The following LPIN2 variants were observed in gnomAD, a reference collection of about 807,000 sequenced individuals.
The protein encoded by LPIN2 is lipin 2.
A neutral mutation model predicts 111.4 loss-of-function variants in LPIN2; 55 were observed. That is an observed-to-expected ratio of 0.49 (90% confidence interval 0.40 to 0.62). The LOEUF (loss-of-function observed/expected upper bound fraction) is 0.62. Among genes scored for constraint, LPIN2 ranks in the 20% least tolerant of loss-of-function variants. The pLI, the probability that LPIN2 is intolerant of heterozygous loss-of-function variation, is 0.00. For synonymous variants in LPIN2, 425 were observed against 414.0 expected (o/e 1.03, Z -0.32); for missense variants, 992 against 1,112.1 (o/e 0.89, Z 1.54).
At chr18:2,971,929 C>G (rs143395785) in intron 1 of LPIN2, among the ~76,000 whole-genome samples, 1 of 152,000 alleles carries the variant, frequency 6.6e-6, no homozygotes, top group Admixed American at 6.6e-5. Context: ...CACCTGTAAT[C>G]CCAGCTACTC....
Position 2,937,724 on chromosome 18 carries a change from G to A in LPIN2, c.1136C>T (p.Ala379Val), listed in dbSNP as rs756074840. 3.7e-6 allele frequency: 6 copies of A among 1,614,092 alleles called. No individual in the cohort carries two copies. Among genetic ancestry groups the A allele is most frequent in the East Asian group, 2.2e-5 (1 of 44,888 alleles). The change falls in exon 7 of 20, where the codon GCA (alanine) becomes GTA (valine). Residue 379 changes from alanine (A) to valine (V), a missense_variant. By Grantham distance (64) the Ala-to-Val change is moderately conservative. Coordinates refer to ENST00000677752, the MANE Select transcript of LPIN2 (RefSeq NM_001375808.2). The stretch of plus-strand genomic sequence containing the variant: ...CTTTGACGGCGAGTCTACTTTAGCT[G>A]CCGGTTTGGATTCTGAGGGCGCCTC... Reference protein sequence around the residue: ...LAEAPSESKPAAKVDSPSKKK... With the variant: ...LAEAPSESKPVAKVDSPSKKK...
Position 2,918,891 on chromosome 18 carries a change from G to C in LPIN2, c.*1402C>G, listed in dbSNP as rs61380771. On this transcript the variant is annotated 3_prime_UTR_variant, in exon 20 of 20. Transcript: ENST00000677752. ...AGTTGGCCACGAGACCACCCCGAGC[G>C]CCAAGCCTGTATCTGCAGATCCCTC... is the stretch of plus-strand genomic sequence containing the variant. The C allele has an allele frequency of 2.0e-5, 3 of 152,148 alleles. No individual in the cohort carries two copies. The highest frequency in any genetic ancestry group is 4.8e-5 in the African/African-American group (2 of 41,416). The allele number at this position is 152,148 out of a possible 1,614,324, so 9.4% of individuals were successfully genotyped here. A position where few individuals can be genotyped will look rare whatever the true frequency, so the allele number is the denominator to read the frequency against.
At chr18:2,971,267 T>G (rs2077904461) in intron 1 of LPIN2, among the ~76,000 whole-genome samples, 1 of 152,132 alleles carries the variant, frequency 6.6e-6, no homozygotes, top group Non-Finnish European at 1.5e-5. Flanking sequence ...AAGGAGGAAG[T>G]GGGATCAAAA....
intron 10 of LPIN2, 22 bp from the exon 11 acceptor site, chr18:2,928,682 CAAAACCATTACACAGTG>C: frequency 4.6e-6 from 7 of 1,526,320 alleles, no homozygotes; most frequent in South Asian, 3.3e-5. Flanking sequence ...AAAAATTGTG[CAAAACCATTACACAGTG>C]AAAGTGAGCA....
At chr18:3,000,131 AG>A (rs2078413106) in intron 1 of LPIN2, among the ~76,000 whole-genome samples, 1 of 149,832 alleles carries the variant, frequency 6.7e-6, no homozygotes, top group African/African-American at 2.5e-5. Flanking sequence ...GAGGAGGAGG[AG>A]GAGGAGGAGA....
At chr18:3,010,263 A>C (rs565650697) in intron 1 of LPIN2, among the ~76,000 whole-genome samples, 1 of 152,346 alleles carries the variant, frequency 6.6e-6, no homozygotes, top group South Asian at 2.1e-4. Context: ...GTTAATTACC[A>C]AAGCCGCTAA....
intron 9 of LPIN2, 66 bp from the exon 10 acceptor site, chr18:2,929,224 C>T (rs1409293890): frequency 1.5e-5 from 15 of 1,006,484 alleles, no homozygotes; most frequent in Middle Eastern, 2.2e-4. Context: ...GATTATAATA[C>T]TCTCTGCATT....
Position 2,940,654 on chromosome 18 carries a change from A to C in LPIN2, c.649T>G (p.Ser217Ala), listed in dbSNP as rs747722528. 1 of 1,613,586 alleles carries C rather than the reference A, an allele frequency of 6.2e-7. No individual in the cohort carries two copies. Among genetic ancestry groups the C allele is most frequent in the Non-Finnish European group, 8.5e-7 (1 of 1,179,664 alleles). The change falls in exon 5 of 20, where the codon TCT (serine) becomes GCT (alanine). Residue 217 changes from serine (S) to alanine (A), a missense_variant. Transcript: ENST00000677752. ...EECKEPLLFH[S>A]GDHYPLSDGD... ...TCAGATAAGGGGTAATGATCCCCAGAATGGAAGAGCAAAGGCTCTTTACAT... is the reference window on the plus strand; with the variant it reads ...TCAGATAAGGGGTAATGATCCCCAGCATGGAAGAGCAAAGGCTCTTTACAT...
intron 1 of LPIN2, among the ~76,000 whole-genome samples, chr18:2,987,670 A>C (rs1461342379): frequency 6.6e-6 from 1 of 152,192 alleles, no homozygotes; most frequent in African/African-American, 2.4e-5. Flanking sequence ...TCAATTACTT[A>C]AAAATTTTTT....
intron 4 of LPIN2, chr18:2,945,556 G>C (rs2077437796): frequency 2.7e-6 from 4 of 1,461,254 alleles, no homozygotes; most frequent in Non-Finnish European, 2.9e-6. Flanking sequence ...TCAATCTGCT[G>C]TGTCGTCTTT....
At chr18:2,923,904 C>A (rs995184816) in intron 15 of LPIN2, 43 bp from the exon 16 acceptor site, 21 of 1,504,926 alleles carry the variant, frequency 1.4e-5, no homozygotes, top group Non-Finnish European at 1.9e-5. Flanking sequence ...AGGAATCAAA[C>A]ACATACAGCG....
At position 2,925,150 on chromosome 18, in the gene LPIN2, G is replaced by T; in HGVS notation, c.1938+74C>A. ...GTATGCAGCTGGGGACGTGTGGACA[G>T]AAGAGGATGTGCATCAAATTAAACC... On this transcript the variant is annotated intron_variant, in intron 14 of 19. Coordinates refer to ENST00000677752, the MANE Select transcript of LPIN2 (RefSeq NM_001375808.2). This position sits in a 1 kb window ranked among gnomAD's most constrained non-coding sequence, Gnocchi z 4.1. 6.4e-7 allele frequency: 1 copy of T among 1,570,330 alleles called. No homozygotes were observed. The highest frequency in any genetic ancestry group is 8.8e-7 in the Non-Finnish European group (1 of 1,142,302).
intron 2 of LPIN2, among the ~76,000 whole-genome samples, chr18:2,956,105 T>G (rs1433544633): frequency 6.6e-6 from 1 of 152,214 alleles, no homozygotes; most frequent in Non-Finnish European, 1.5e-5. Flanking sequence ...GTTAATACAT[T>G]CACAGAGATT....
At chr18:2,988,760 T>C (rs1032074820) in intron 1 of LPIN2, among the ~76,000 whole-genome samples, 2 of 152,174 alleles carry the variant, frequency 1.3e-5, no homozygotes, top group Admixed American at 1.3e-4. Flanking sequence ...CATCTGAAAG[T>C]TGCAACATGA....
rs187851783 is a variant in LPIN2 at position 2,980,801 on chromosome 18, C to T, written c.-9-19952G>A. Among the ~76,000 whole-genome samples, 61 of 150,256 alleles carry T rather than the reference C, an allele frequency of 4.1e-4. 1 individual carries two copies. In the Middle Eastern group the frequency reaches 0.014, roughly 34 times the overall value. On this transcript the variant is annotated intron_variant, in intron 1 of 19. Transcript: ENST00000677752. ...AGAATGGTCAGGTGACCTCTAGAGT[C>T]CCCCCCCAGCTCTAAACTGCAGAAA...
intron 1 of LPIN2, among the ~76,000 whole-genome samples, chr18:3,000,412 G>A (rs146845134): frequency 0.011 from 1,682 of 152,302 alleles, 10 homozygotes; most frequent in Non-Finnish European, 0.016. Context: ...CAGCTCAAAG[G>A]ATAAAGAAAC....
At chr18:2,975,677 G>GT (rs1481452218) in intron 1 of LPIN2, among the ~76,000 whole-genome samples, 1 of 152,146 alleles carries the variant, frequency 6.6e-6, no homozygotes, top group Non-Finnish European at 1.5e-5. Context: ...ATAAAAGTGT[G>GT]TTTTAAGGGG....
At position 2,920,385 on chromosome 18, in the gene LPIN2, C is replaced by A; in HGVS notation, c.2599G>T (p.Glu867Ter). The A allele has an allele frequency of 1.2e-6, 2 of 1,614,058 alleles. No homozygotes were observed. Among genetic ancestry groups the A allele is most frequent in the Non-Finnish European group, 1.7e-6 (2 of 1,180,048 alleles). The change falls in exon 20 of 20, where the codon GAG (glutamate) becomes TAG (stop). Residue 867 changes from glutamate (E) to a stop codon, truncating the protein, a stop_gained. Coordinates refer to ENST00000677752, the MANE Select transcript of LPIN2 (RefSeq NM_001375808.2). LOFTEE classifies it high-confidence loss of function. ...VEHVFPLLSK[E>*]QNSAFPCPEF... ...GGGCAGGGAAAAGCGGAATTCTGCT[C>A]CTTACTGAGAAGGGGGAACACATGC...
intron 7 of LPIN2, 83 bp from the exon 8 acceptor site, chr18:2,934,533 T>TG: frequency 2.3e-6 from 2 of 867,416 alleles, no homozygotes; most frequent in Non-Finnish European, 3.9e-6. Flanking sequence ...TTGCAAACAG[T>TG]AAGAGTGACA....
Sources: allele counts gnomAD v4.1 joint callset (sites outside exome capture counted in the v4.1 genomes callset), GRCh38; gene constraint gnomAD v4.1.1; non-coding constraint Gnocchi (gnomAD v3.1); transcripts MANE v1.5; gene names NCBI Gene and HGNC (gene_info 2026-07-23, HGNC 2026-07-21).